Variants in MTA3 observed in about 807,000 individuals in gnomAD.
MTA3 encodes the protein metastasis associated 1 family member 3, also known as metastasis-associated protein MTA3.
Under a neutral mutation model 83.5 loss-of-function variants are expected in MTA3, and 34 were observed. The ratio of observed to expected loss-of-function variants is 0.41; its 90% CI spans 0.31 to 0.54. The LOEUF is 0.54. MTA3 is among the 20% of genes least tolerant of loss of function. The pLI, the probability that MTA3 is intolerant of heterozygous loss-of-function variation, is 0.33. For synonymous variants in MTA3, 303 were observed against 252.7 expected (o/e 1.20, Z -1.89); for missense variants, 761 against 726.4 (o/e 1.05, Z -0.55).
intron 2 of MTA3, among the ~76,000 whole-genome samples, chr2:42,540,151 G>A (rs527795943): frequency 2.0e-5 from 3 of 151,400 alleles, no homozygotes; most frequent in South Asian, 2.1e-4. Flanking sequence ...ACAGCCAATA[G>A]TGGGCATTAA....
At chr2:42,633,019 C>T (rs1472989287) in intron 4 of MTA3, among the ~76,000 whole-genome samples, 1 of 150,726 alleles carries the variant, frequency 6.6e-6, no homozygotes, top group Non-Finnish European at 1.5e-5. Context: ...AATCCCAGCA[C>T]TTTGGGAGGC....
intron 4 of MTA3, among the ~76,000 whole-genome samples, chr2:42,616,141 A>C (rs1037937294): frequency 6.9e-6 from 1 of 144,510 alleles, no homozygotes; most frequent in Non-Finnish European, 1.5e-5. Flanking sequence ...GCTCACTGCA[A>C]CTCCGCCTCC....
intron 2 of MTA3, among the ~76,000 whole-genome samples, chr2:42,531,445 C>CTTTTTTTTTTTTTTT (rs10659582): frequency 5.3e-5 from 4 of 75,344 alleles, no homozygotes; most frequent in African/African-American, 1.1e-4. Context: ...GAAGCAAACT[C>CTTTTTTTTTTTTTTT]TTTTTTTTTT....
At chr2:42,494,198 C>T (rs910247270), upstream of MTA3, 3 of 152,184 alleles carry the variant, frequency 2.0e-5, no homozygotes, top group Non-Finnish European at 2.9e-5. Flanking sequence ...GTGACGCCGT[C>T]CTCCCCCTCC....
chr2:42,505,014 C>T (rs751376467), intron 2 of MTA3, among the ~76,000 whole-genome samples: 1 of 152,060 alleles, frequency 6.6e-6, no homozygotes, highest in Non-Finnish European at 1.5e-5. Flanking sequence ...TGGCTAAGCC[C>T]TTCTAGGAGG....
intron 4 of MTA3, among the ~76,000 whole-genome samples, chr2:42,611,649 C>G (rs1684234364): frequency 6.6e-6 from 1 of 152,018 alleles, no homozygotes; most frequent in African/African-American, 2.4e-5. Context: ...GACCTTGTCT[C>G]TACCAAAAAT....
At chr2:42,500,260 G>C (rs984494430) in intron 2 of MTA3, among the ~76,000 whole-genome samples, 5 of 152,130 alleles carry the variant, frequency 3.3e-5, no homozygotes, top group African/African-American at 1.2e-4. Flanking sequence ...TTAGCTGGAC[G>C]TGGTGGTGGG....
chr2:42,531,807 A>G (rs546547432), intron 2 of MTA3, among the ~76,000 whole-genome samples: 1 of 150,880 alleles, frequency 6.6e-6, no homozygotes, highest in East Asian at 2.0e-4. Flanking sequence ...CCCAGGCTGG[A>G]GTGCAGTGGC....
At chr2:42,692,412 C>G (rs1692979955) in intron 9 of MTA3, among the ~76,000 whole-genome samples, 1 of 147,798 alleles carries the variant, frequency 6.8e-6, no homozygotes, top group Non-Finnish European at 1.5e-5. Flanking sequence ...AAACAGCTAT[C>G]TTGAATTCTT....
intron 16 of MTA3, among the ~76,000 whole-genome samples, chr2:42,728,003 T>G (rs566462166): frequency 1.3e-5 from 2 of 152,348 alleles, no homozygotes; most frequent in Middle Eastern, 3.4e-3. Flanking sequence ...CGATAAATTA[T>G]TGTTGCTGTA....
chr2:42,496,773 C>G (rs539147224), intron 2 of MTA3, among the ~76,000 whole-genome samples: 1 of 152,138 alleles, frequency 6.6e-6, no homozygotes, highest in Admixed American at 6.6e-5. Flanking sequence ...CACTCTGTTT[C>G]CAGGGCCTGG....
chr2:42,568,654 G>A lies in MTA3; in HGVS notation c.-92G>A, dbSNP rs866810709. 807 of 939,310 alleles carry A rather than the reference G, an allele frequency of 8.6e-4. 2 individuals carry two copies. Among genetic ancestry groups the A allele is most frequent in the African/African-American group, 5.5e-3 (312 of 56,752 alleles). 58.2% of individuals were successfully genotyped at this position (939,310 alleles called of 1,614,324 possible). On this transcript the variant is annotated 5_prime_UTR_variant, in exon 1 of 17. Coordinates refer to ENST00000405094, the MANE Select transcript of MTA3 (RefSeq NM_001330442.2). ...CCCGTGGCGAGGCAGCAGCGACGGCGGCGGCGGCAGCGGCGGTCGCGGCTG... is the reference window on the plus strand; with the variant it reads ...CCCGTGGCGAGGCAGCAGCGACGGCAGCGGCGGCAGCGGCGGTCGCGGCTG...
intron 8 of MTA3, among the ~76,000 whole-genome samples, chr2:42,664,596 C>T (rs532044704): frequency 6.6e-6 from 1 of 150,620 alleles, no homozygotes; most frequent in Non-Finnish European, 1.5e-5. Flanking sequence ...GCTTCAGTCT[C>T]CTGCCTCAGC....
intron 2 of MTA3, among the ~76,000 whole-genome samples, chr2:42,541,950 C>A (rs555932441): frequency 1.3e-5 from 2 of 152,264 alleles, no homozygotes; most frequent in Non-Finnish European, 1.5e-5. Context: ...AACCCATGGG[C>A]CCAAAAACCA....
intron 11 of MTA3, 107 bp from the exon 12 acceptor site, chr2:42,704,087 A>T: frequency 7.9e-7 from 1 of 1,260,334 alleles, no homozygotes; most frequent in Non-Finnish European, 1.1e-6. Context: ...ACATTTTAAA[A>T]TGTTTGTTTA....
Position 42,609,594 on chromosome 2 carries a change from T to A in MTA3, c.317+10T>A. ...CCGCAACACATATCAGGTAAGAACT[T>A]TTTAGGAACTAAGGTACTCAGTACT... is the stretch of plus-strand genomic sequence containing the variant. On this transcript the variant is annotated intron_variant, in intron 4 of 16. Transcript: ENST00000405094. 6.2e-7 allele frequency: 1 copy of A among 1,612,672 alleles called. No individual in the cohort carries two copies. The highest frequency in any genetic ancestry group is 1.7e-4 in the Middle Eastern group (1 of 6,054).
At chr2:42,660,285 C>T (rs1003156932) in intron 8 of MTA3, among the ~76,000 whole-genome samples, 5 of 152,046 alleles carry the variant, frequency 3.3e-5, no homozygotes, top group African/African-American at 1.2e-4. Context: ...GACGGGGTTT[C>T]ACCATGTTGG....
chr2:42,576,761 G>A (rs927054560), intron 2 of MTA3, among the ~76,000 whole-genome samples: 5 of 152,154 alleles, frequency 3.3e-5, no homozygotes, highest in African/African-American at 1.2e-4. Flanking sequence ...GCCGGGCATG[G>A]TGGCGCATGC....
At chr2:42,663,415 T>C (rs188198352) in intron 8 of MTA3, among the ~76,000 whole-genome samples, 2 of 152,194 alleles carry the variant, frequency 1.3e-5, no homozygotes, top group African/African-American at 4.8e-5. Context: ...AAGGTGATAT[T>C]TTAAAGAAGC....
Sources: allele counts gnomAD v4.1 joint callset (sites outside exome capture counted in the v4.1 genomes callset), GRCh38; gene constraint gnomAD v4.1.1; transcripts MANE v1.5; gene names NCBI Gene and HGNC (gene_info 2026-07-23, HGNC 2026-07-21).